The following SNX13 variants were observed in gnomAD, a reference collection of about 807,000 sequenced individuals.
SNX13 encodes sorting nexin-13.
In SNX13, 45 loss-of-function variants were observed where a neutral mutation model predicts 133.6. The observed-to-expected ratio is 0.34, with a 90% CI of 0.27 to 0.43. SNX13 has a LOEUF of 0.43. Ranked by LOEUF, SNX13 falls within the 20% of genes least tolerant of loss-of-function variation. The pLI is 1.00. For synonymous variants in SNX13, 414 were observed against 373.9 expected (o/e 1.11, Z -1.24); for missense variants, 1,032 against 1,145.1 (o/e 0.90, Z 1.43).
intron 2 of SNX13, among the ~76,000 whole-genome samples, chr7:17,894,661 G>T (rs1027699889): frequency 6.6e-6 from 1 of 152,062 alleles, no homozygotes; most frequent in Non-Finnish European, 1.5e-5. Context: ...ATATTTCATA[G>T]ATTTTAAATT....
Position 17,794,241 on chromosome 7 carries a change from C to G in SNX13, c.2678G>C (p.Arg893Pro). Residue 893 changes from arginine (R) to proline (P), a missense_variant, in exon 26 of 26, where the codon CGT (arginine) becomes CCT (proline). Coordinates refer to ENST00000428135, the MANE Select transcript of SNX13 (RefSeq NM_015132.5). ...GTTGTGCTGAAACATTTCAAAAACA[C>G]GAAGAATACCTTTCCGTGTTGTCTC... ...GAETTRKGIL[R>P]VFEMFQHNQL... is the part of the protein sequence containing the mutation. 1 of 1,611,512 alleles carries G rather than the reference C, an allele frequency of 6.2e-7. No homozygotes were observed. The highest frequency in any genetic ancestry group is 8.5e-7 in the Non-Finnish European group (1 of 1,178,404).
In SNX13 at chr7:17,877,045, G is replaced by GAAAAAAAAAA. The variant is rs57618763; in HGVS notation, c.441-1265_441-1256dup. Among the ~76,000 whole-genome samples, 8 of 60,052 alleles carry GAAAAAAAAAA rather than the reference G, an allele frequency of 1.3e-4. 1 individual carries two copies. Among genetic ancestry groups the GAAAAAAAAAA allele is most frequent in the African/African-American group, 2.1e-4 (4 of 19,178 alleles). The allele number at this position is 60,052 out of a possible 152,430, so 39.4% of individuals were successfully genotyped here. ...GCTGACTTAATTACTGTTACTTTTTGAAAAAAAAAAAAAAAAAAAAAAAGC... is the reference window on the plus strand; with the variant it reads ...GCTGACTTAATTACTGTTACTTTTTGAAAAAAAAAAAAAAAAAAAAAAAAAAAAAAAAAGC... On this transcript the variant is annotated intron_variant, in intron 5 of 25. Transcript: ENST00000428135.
chr7:17,792,436 CATT>C lies in SNX13; in HGVS notation c.*1606_*1608del, dbSNP rs1266716394. On this transcript the variant is annotated 3_prime_UTR_variant, in exon 26 of 26. Coordinates refer to ENST00000428135, the MANE Select transcript of SNX13 (RefSeq NM_015132.5). Reference sequence around the variant, plus strand: ...TGCATACTATAAGTATGCACAACAGCATTATTAATAAATATGATTATTATAAAG... The same window carrying C: ...TGCATACTATAAGTATGCACAACAGCATTAATAAATATGATTATTATAAAG... The C allele has an allele frequency of 6.6e-6, 1 of 152,466 alleles. No homozygotes were observed. Among genetic ancestry groups the C allele is most frequent in the East Asian group, 1.9e-4 (1 of 5,184 alleles). The allele number at this position is 152,466 out of a possible 1,614,324, so 9.4% of individuals were successfully genotyped here.
intron 7 of SNX13, among the ~76,000 whole-genome samples, chr7:17,874,767 G>A (rs1794516319): frequency 6.6e-6 from 1 of 152,104 alleles, no homozygotes; most frequent in Admixed American, 6.5e-5. Context: ...GCAAAACTGG[G>A]AAGATAACGT....
intron 1 of SNX13, among the ~76,000 whole-genome samples, chr7:17,909,421 T>C (rs543523356): frequency 2.5e-4 from 38 of 152,286 alleles, no homozygotes; most frequent in Middle Eastern, 3.4e-3. Flanking sequence ...TACAGCACTA[T>C]TCACAGTAGC....
At chr7:17,838,980 T>A (rs1419633495) in intron 13 of SNX13, among the ~76,000 whole-genome samples, 1 of 150,182 alleles carries the variant, frequency 6.7e-6, no homozygotes, top group Admixed American at 6.7e-5. Context: ...CTATTATATA[T>A]ATAACAATAT....
At chr7:17,859,440 A>G (rs1297631335) in intron 9 of SNX13, among the ~76,000 whole-genome samples, 1 of 152,176 alleles carries the variant, frequency 6.6e-6, no homozygotes, top group African/African-American at 2.4e-5. Context: ...GAATGTGGAA[A>G]GACCAGAACT....
intron 25 of SNX13, chr7:17,796,347 T>C (rs1043827484): frequency 2.0e-5 from 3 of 153,108 alleles, no homozygotes; most frequent in African/African-American, 4.8e-5. Context: ...TCTATGTAAA[T>C]GGAGTTTTTG....
intron 12 of SNX13, among the ~76,000 whole-genome samples, chr7:17,841,336 G>A (rs1789847482): frequency 6.6e-6 from 1 of 151,990 alleles, no homozygotes; most frequent in South Asian, 2.1e-4. Flanking sequence ...ACATATGTGG[G>A]AAAATTAGAA....
rs559386301 is a variant in SNX13 at position 17,903,890 on chromosome 7, T to C, written c.13-6444A>G. Among the ~76,000 whole-genome samples the C allele has an allele frequency of 3.3e-5, 5 of 152,300 alleles. No homozygotes were observed. The East Asian group carries it at 7.7e-4, about 24-fold the overall frequency. On this transcript the variant is annotated intron_variant, in intron 1 of 25. Transcript: ENST00000428135. ...AATTCCTGGTCTGAAAATCAATTTA[T>C]CCATGTATCTTCTAAATACATAATG... is the stretch of plus-strand genomic sequence containing the variant.
intron 12 of SNX13, 27 bp downstream of exon 12, chr7:17,845,568 T>G: frequency 7.2e-7 from 1 of 1,382,220 alleles, no homozygotes; most frequent in Non-Finnish European, 9.9e-7. Context: ...AATGGCTGTA[T>G]CATTTAAATA....
chr7:17,878,073 G>A lies in SNX13; in HGVS notation c.441-2283C>T, dbSNP rs551001207. Reference sequence around the variant, plus strand: ...ATGATAAATATGTAATAAATGCAATGTGAAAATGAGTAAGAAATATTTCAT... The same window carrying A: ...ATGATAAATATGTAATAAATGCAATATGAAAATGAGTAAGAAATATTTCAT... On this transcript the variant is annotated intron_variant, in intron 5 of 25. Transcript: ENST00000428135. Among the ~76,000 whole-genome samples, 20 of 152,168 alleles carry A rather than the reference G, an allele frequency of 1.3e-4. No individual in the cohort carries two copies. In the South Asian group the frequency reaches 3.7e-3, roughly 28 times the overall value.
intron 5 of SNX13, chr7:17,880,790 C>T (rs1250453665): frequency 6.6e-6 from 1 of 152,146 alleles, no homozygotes; most frequent in Non-Finnish European, 1.5e-5. Flanking sequence ...GAACCACACA[C>T]ACAAAGACTA....
intron 7 of SNX13, among the ~76,000 whole-genome samples, chr7:17,874,484 T>C (rs1366046154): frequency 1.3e-5 from 2 of 152,158 alleles, no homozygotes; most frequent in Non-Finnish European, 2.9e-5. Context: ...CCTCTCACTG[T>C]TCAAGTGTCA....
intron 20 of SNX13, among the ~76,000 whole-genome samples, chr7:17,812,904 C>T (rs563657890): frequency 9.9e-5 from 15 of 151,882 alleles, no homozygotes; most frequent in Admixed American, 9.2e-4. Context: ...AACAGAAAAC[C>T]AAACACCACA....
chr7:17,794,028 C>T lies in SNX13; in HGVS notation c.*17G>A. The T allele has an allele frequency of 1.2e-6, 2 of 1,608,562 alleles. No individual in the cohort carries two copies. Among genetic ancestry groups the T allele is most frequent in the South Asian group, 1.1e-5 (1 of 90,536 alleles). ...TAGTCCTGGACAAAATGAACACCAG[C>T]TTCATAGAGTGGAGTGTCACCTTTT... On this transcript the variant is annotated 3_prime_UTR_variant, in exon 26 of 26. Transcript: ENST00000428135.
rs543486069 is a variant in SNX13 at position 17,826,065 on chromosome 7, A to T, written c.1662T>A (p.Ser554=). ...CATGAAGTTGTACTGAGTCATCAGA[A>T]GAAACATTTGAAAGGTCATCTAAAG... ...NLSLDDLSNV[S]SDDSVQLHAY... Residue 554 remains serine, a synonymous_variant, in exon 17 of 26, where the codon TCT becomes TCA. Coordinates refer to ENST00000428135, the MANE Select transcript of SNX13 (RefSeq NM_015132.5). The T allele has an allele frequency of 6.4e-6, 10 of 1,562,010 alleles. No individual in the cohort carries two copies. In the Admixed American group the frequency reaches 9.3e-5, roughly 14 times the overall value.
At chr7:17,813,575 T>A (rs1786303830) in intron 20 of SNX13, among the ~76,000 whole-genome samples, 1 of 151,454 alleles carries the variant, frequency 6.6e-6, no homozygotes, top group Non-Finnish European at 1.5e-5. Flanking sequence ...CCTGAAGTAA[T>A]CATATGAACT....
Position 17,834,098 on chromosome 7 carries a change from G to A in SNX13, c.1551C>T (p.Asp517=). ...ALYVRMLAEL[D]MLKDPSFRGS... is the part of the protein sequence containing the mutation. Reference sequence around the variant, plus strand: ...CTCTGAAACTAGGATCTTTTAACATGTCAAGCTCAGCTAACATGCGCACAT... The same window carrying A: ...CTCTGAAACTAGGATCTTTTAACATATCAAGCTCAGCTAACATGCGCACAT... Residue 517 remains aspartate, a synonymous_variant, in exon 15 of 26, where the codon GAC becomes GAT. Coordinates refer to ENST00000428135, the MANE Select transcript of SNX13 (RefSeq NM_015132.5). The A allele has an allele frequency of 6.3e-7, 1 of 1,589,760 alleles. No homozygotes were observed. Among genetic ancestry groups the A allele is most frequent in the Non-Finnish European group, 8.6e-7 (1 of 1,165,032 alleles).
Sources: allele counts gnomAD v4.1 joint callset (sites outside exome capture counted in the v4.1 genomes callset), GRCh38; gene constraint gnomAD v4.1.1; transcripts MANE v1.5; gene names NCBI Gene and HGNC (gene_info 2026-07-23, HGNC 2026-07-21).